Variants in POTEB3 observed in about 807,000 individuals in gnomAD.
POTEB3 encodes the protein ANKRD26-like family B member 1.
In POTEB3, 5 loss-of-function variants were observed where a neutral mutation model predicts 39.8. The ratio of observed to expected loss-of-function variants is 0.13; its 90% CI spans 0.07 to 0.26. POTEB3 has a LOEUF of 0.26. Ranked by LOEUF, POTEB3 falls within the 10% of genes least tolerant of loss-of-function variation. The probability of loss-of-function intolerance (pLI) is 1.00; values close to 1 mark genes in which losing one functional copy is unlikely to be tolerated. For missense variants in POTEB3, 24 were observed against 475.6 expected (o/e 0.05, Z 8.83); for synonymous variants, 5 against 161.5 (o/e 0.03, Z 7.35).
intron 5 of POTEB3, among the ~76,000 whole-genome samples, chr15:21,429,619 ATGT>A (rs1163078496): frequency 1.2e-3 from 72 of 59,928 alleles, no homozygotes; most frequent in Non-Finnish European, 1.6e-3. Context: ...GAACTAAAAA[ATGT>A]TGTAACTTCA....
chr15:21,434,008 CAAAT>C (rs1448534250), intron 3 of POTEB3, among the ~76,000 whole-genome samples: 2 of 136,862 alleles, frequency 1.5e-5, no homozygotes, highest in African/African-American at 2.9e-5. Flanking sequence ...ATAAAGGAAA[CAAAT>C]GAATGAACAA....
At chr15:21,426,423 TA>T (rs1402621839) in intron 6 of POTEB3, among the ~76,000 whole-genome samples, 2 of 150,194 alleles carry the variant, frequency 1.3e-5, no homozygotes, top group Middle Eastern at 3.5e-3. Flanking sequence ...AGTAAAATAA[TA>T]AAAGTGACAA....
At position 21,410,062 on chromosome 15, in the gene POTEB3, C is replaced by T. The variant is rs4983998; in HGVS notation, c.1533+816G>A. Among the ~76,000 whole-genome samples the T allele has an allele frequency of 1.0e-4, 10 of 97,778 alleles. No homozygotes were observed. The East Asian group carries it at 2.4e-3, about 24-fold the overall frequency. The allele number at this position is 97,778 out of a possible 152,430, so 64.1% of individuals were successfully genotyped here. Reference sequence around the variant, plus strand: ...TCTTCTGATGCTACTGCTAGTGATCCTCCACAAAATCAGTTGCTTCTGTGG... The same window carrying T: ...TCTTCTGATGCTACTGCTAGTGATCTTCCACAAAATCAGTTGCTTCTGTGG... On this transcript the variant is annotated intron_variant, in intron 10 of 10. Transcript: ENST00000611217.
At chr15:21,434,064 C>CA (rs1223147084) in intron 3 of POTEB3, among the ~76,000 whole-genome samples, 9 of 100,120 alleles carry the variant, frequency 9.0e-5, no homozygotes, top group African/African-American at 1.5e-4. Context: ...CACACACACA[C>CA]AAACAAAAAC....
At chr15:21,432,727 G>A (rs1899022670) in intron 3 of POTEB3, among the ~76,000 whole-genome samples, 3 of 33,104 alleles carry the variant, frequency 9.1e-5, no homozygotes, top group Non-Finnish European at 1.7e-4. Flanking sequence ...CTTCTGAATG[G>A]CAGTGAATAA....
rs1476801905 is a variant in POTEB3, at chr15:21,434,040, CACACACACACACACACACACACACAA to C, written c.810+595_810+620del. Among the ~76,000 whole-genome samples the C allele has an allele frequency of 8.2e-4, 100 of 122,004 alleles. 1 individual carries two copies. Among genetic ancestry groups the C allele is most frequent in the Non-Finnish European group, 1.3e-3 (77 of 59,166 alleles). 80.0% of individuals were successfully genotyped at this position (122,004 alleles called of 152,430 possible). On this transcript the variant is annotated intron_variant, in intron 3 of 10. Coordinates refer to ENST00000611217, the MANE Select transcript of POTEB3 (RefSeq NM_207355.5). ...ATGAACAACAATAACAACACACACA[CACACACACACACACACACACACACAA>C]ACAAAAACAAAAACAAAAAAAAAAC...
At chr15:21,424,989 A>G (rs1444847942) in intron 6 of POTEB3, 5 of 148,024 alleles carry the variant, frequency 3.4e-5, no homozygotes, top group Admixed American at 1.3e-4. Flanking sequence ...AAAGCATAAC[A>G]CCAAAAAAAG....
intron 4 of POTEB3, among the ~76,000 whole-genome samples, chr15:21,430,945 A>T (rs1390626094): frequency 1.3e-5 from 2 of 151,686 alleles, no homozygotes; most frequent in Non-Finnish European, 2.9e-5. Context: ...TGAAGGATAT[A>T]TTCTCCTACT....
chr15:21,421,961 T>A (rs1381954779), intron 7 of POTEB3, among the ~76,000 whole-genome samples, 159 bp downstream of exon 7: 1 of 151,892 alleles, frequency 6.6e-6, no homozygotes, highest in Non-Finnish European at 1.5e-5. Context: ...GCTGAATTTA[T>A]TAAAATAAAT....
Position 21,417,910 on chromosome 15 carries a change from T to G in POTEB3, c.1409+1554A>C, listed in dbSNP as rs2175982. Among the ~76,000 whole-genome samples, 48 of 107,738 alleles carry G rather than the reference T, an allele frequency of 4.5e-4. 2 individuals carry two copies. The highest frequency in any genetic ancestry group is 4.2e-3 in the East Asian group (18 of 4,314). The allele number at this position is 107,738 out of a possible 152,430, so 70.7% of individuals were successfully genotyped here. A position where few individuals can be genotyped will look rare whatever the true frequency, so the allele number is the denominator to read the frequency against. ...GGGCACTTTTATAAATAAGTGTTAC[T>G]GCATTAGCAGCACCTTCCTTTTAGC... is the stretch of plus-strand genomic sequence containing the variant. On this transcript the variant is annotated intron_variant, in intron 9 of 10. Transcript: ENST00000611217.
At chr15:21,434,435 T>C (rs2141374159) in intron 3 of POTEB3, among the ~76,000 whole-genome samples, 1 of 92,100 alleles carries the variant, frequency 1.1e-5, no homozygotes, top group South Asian at 3.0e-4. Flanking sequence ...CGTGTTTTTT[T>C]TTTTTAAAAG....
chr15:21,427,476 A>G (rs1198088583), intron 6 of POTEB3, among the ~76,000 whole-genome samples: 1 of 103,642 alleles, frequency 9.6e-6, no homozygotes, highest in African/African-American at 4.1e-5. Flanking sequence ...CGGATTCTAC[A>G]TTATGGTAAG....
At chr15:21,430,159 AC>A (rs1898890812) in intron 5 of POTEB3, 104 bp downstream of exon 5, 1 of 1,015,184 alleles carries the variant, frequency 9.9e-7, no homozygotes. Flanking sequence ...CTCTAAAACT[AC>A]CTGAACCAAA....
In POTEB3 at chr15:21,410,002, CATAT is replaced by C. The variant is rs1230255618; in HGVS notation, c.1534-811_1534-808del. Among the ~76,000 whole-genome samples, 4 of 86,704 alleles carry C rather than the reference CATAT, an allele frequency of 4.6e-5. 1 individual carries two copies. Among genetic ancestry groups the C allele is most frequent in the Admixed American group, 2.9e-4 (3 of 10,462 alleles). The allele number at this position is 86,704 out of a possible 152,430, so 56.9% of individuals were successfully genotyped here. ...ACACACACACACACACACACACACACATATATATATGCAACGTGCAAGATTTTTG... is the reference window on the plus strand; with the variant it reads ...ACACACACACACACACACACACACACATATATGCAACGTGCAAGATTTTTG... On this transcript the variant is annotated intron_variant, in intron 10 of 10. Transcript: ENST00000611217.
intron 7 of POTEB3, 73 bp from the exon 8 acceptor site, chr15:21,420,791 T>C (rs1898483846): frequency 1.4e-5 from 1 of 72,824 alleles, no homozygotes; most frequent in African/African-American, 1.1e-4. Flanking sequence ...GGAATGCATG[T>C]TAAAATAATT....
intron 3 of POTEB3, among the ~76,000 whole-genome samples, chr15:21,433,725 T>A (rs184633619): frequency 6.7e-6 from 1 of 149,562 alleles, no homozygotes; most frequent in Non-Finnish European, 1.5e-5. Context: ...ATAAGCCCCT[T>A]ATCTCCCACC....
intron 9 of POTEB3, among the ~76,000 whole-genome samples, chr15:21,414,182 T>C (rs1265958136): frequency 1.3e-5 from 1 of 78,978 alleles, no homozygotes; most frequent in Non-Finnish European, 2.2e-5. Flanking sequence ...ACCATATACA[T>C]ACATGAACTG....
In POTEB3 at chr15:21,410,173, T is replaced by C. The variant is rs1472929932; in HGVS notation, c.1533+705A>G. Reference sequence around the variant, plus strand: ...TAACTTACAAGGCTTTTCTTAGAAATCATGAGATTATTTGCCATTGCAATA... The same window carrying C: ...TAACTTACAAGGCTTTTCTTAGAAACCATGAGATTATTTGCCATTGCAATA... On this transcript the variant is annotated intron_variant, in intron 10 of 10. Transcript: ENST00000611217. Among the ~76,000 whole-genome samples, 7 of 84,708 alleles carry C rather than the reference T, an allele frequency of 8.3e-5. 1 individual carries two copies. Among genetic ancestry groups the C allele is most frequent in the South Asian group, 2.8e-4 (1 of 3,628 alleles). The allele number at this position is 84,708 out of a possible 152,430, so 55.6% of individuals were successfully genotyped here. A position where few individuals can be genotyped will look rare whatever the true frequency, so the allele number is the denominator to read the frequency against.
intron 3 of POTEB3, among the ~76,000 whole-genome samples, chr15:21,433,658 C>G (rs1162028574): frequency 6.8e-6 from 1 of 147,534 alleles, no homozygotes; most frequent in African/African-American, 2.5e-5. Context: ...AAAATTTTCC[C>G]TGGTAAGAGT....
Sources: gnomAD v4.1 joint callset for allele counts (sites outside exome capture counted in the v4.1 genomes callset) on GRCh38, gnomAD v4.1.1 for gene constraint, MANE v1.5 for transcripts, NCBI Gene and HGNC (gene_info 2026-07-23, HGNC 2026-07-21) for gene names.